Variants in ASXL3 observed in about 807,000 individuals in gnomAD.
ASXL3 encodes the protein ASXL transcriptional regulator 3, also known as putative Polycomb group protein ASXL3.
ASXL3 carries 34 observed loss-of-function variants against 170.6 expected under a neutral mutation model. The ratio of observed to expected loss-of-function variants is 0.20; its 90% CI spans 0.15 to 0.27. ASXL3 has a LOEUF of 0.27. ASXL3 is among the 10% of genes least tolerant of loss of function. The pLI, the probability that ASXL3 is intolerant of heterozygous loss-of-function variation, is 1.00. For synonymous variants in ASXL3, 1,002 were observed against 989.1 expected, an observed-to-expected ratio of 1.01 and a Z score of -0.24; for missense variants, 2,592 against 2,695.3, an observed-to-expected ratio of 0.96 and a Z score of 0.85.
At chr18:33,648,297 A>G (rs1404397459) in intron 4 of ASXL3, among the ~76,000 whole-genome samples, 1 of 152,100 alleles carries the variant, frequency 6.6e-6, no homozygotes, top group African/African-American at 2.4e-5. Context: ...TTTGAAGGAA[A>G]GTACTAGCAG....
chr18:33,711,295 A>G (rs1489922924), intron 8 of ASXL3, among the ~76,000 whole-genome samples: 1 of 152,124 alleles, frequency 6.6e-6, no homozygotes, highest in Non-Finnish European at 1.5e-5. Context: ...ATGCGCTTGT[A>G]TGCAAATTTG....
chr18:33,651,095 G>A (rs1257241319), intron 4 of ASXL3, among the ~76,000 whole-genome samples: 8 of 152,108 alleles, frequency 5.3e-5, no homozygotes, highest in African/African-American at 1.9e-4. Flanking sequence ...GGAACACTTA[G>A]TAGCCAGTCA....
intron 1 of ASXL3, among the ~76,000 whole-genome samples, chr18:33,587,809 G>T (rs553459754): frequency 5.9e-5 from 9 of 151,776 alleles, no homozygotes; most frequent in African/African-American, 1.9e-4. Context: ...AAAACAAAAA[G>T]ATCTCATATT....
chr18:33,653,387 C>A (rs188671108), intron 4 of ASXL3, among the ~76,000 whole-genome samples: 161 of 152,206 alleles, frequency 1.1e-3, no homozygotes, highest in Middle Eastern at 0.01. Context: ...TGTCTTTCAT[C>A]CAACAGCTCT....
chr18:33,638,716 C>T (rs910399953), intron 2 of ASXL3, among the ~76,000 whole-genome samples: 1 of 152,174 alleles, frequency 6.6e-6, no homozygotes, highest in Admixed American at 6.5e-5. Flanking sequence ...TGTAAGATTC[C>T]TCATCTCTGA....
chr18:33,705,634 A>G (rs2066943722), intron 8 of ASXL3, among the ~76,000 whole-genome samples: 1 of 151,918 alleles, frequency 6.6e-6, no homozygotes, highest in Non-Finnish European at 1.5e-5. Context: ...ATGAATGCCA[A>G]ATGTTCCTCA....
intron 6 of ASXL3, 75 bp from the exon 7 acceptor site, chr18:33,671,672 C>T: frequency 7.4e-7 from 1 of 1,356,646 alleles, no homozygotes; most frequent in Non-Finnish European, 1.0e-6. Flanking sequence ...TCTACAGTTC[C>T]TCAAACAATT....
intron 2 of ASXL3, among the ~76,000 whole-genome samples, chr18:33,613,130 A>G (rs1354940055): frequency 6.6e-6 from 1 of 152,036 alleles, no homozygotes; most frequent in Non-Finnish European, 1.5e-5. Context: ...TTGACATAAA[A>G]TTTTACTTGT....
At chr18:33,625,435 A>C (rs900456229) in intron 2 of ASXL3, among the ~76,000 whole-genome samples, 1 of 152,164 alleles carries the variant, frequency 6.6e-6, no homozygotes, top group Non-Finnish European at 1.5e-5. Context: ...AAATTTTAGG[A>C]AGAAAACTAC....
Position 33,644,948 on chromosome 18 carries a change from A to G in ASXL3, c.192A>G (p.Ile64Met). 1 of 1,583,876 alleles carries G rather than the reference A, an allele frequency of 6.3e-7. No individual in the cohort carries two copies. The highest frequency in any genetic ancestry group is 8.6e-7 in the Non-Finnish European group (1 of 1,163,472). ...LNAMLHTNTR[I>M]GDGTFFKIPG... ...CAATGCTTCACACTAACACTCGAATAGGGGATGGAACATTCTTCAAAATCC... is the reference window on the plus strand; with the variant it reads ...CAATGCTTCACACTAACACTCGAATGGGGGATGGAACATTCTTCAAAATCC... Residue 64 changes from isoleucine (I) to methionine (M), a missense_variant, in exon 3 of 12, where the codon ATA becomes ATG. Coordinates refer to ENST00000269197, the MANE Select transcript of ASXL3 (RefSeq NM_030632.3).
chr18:33,605,351 G>C (rs985456324), intron 1 of ASXL3: 5 of 151,946 alleles, frequency 3.3e-5, no homozygotes, highest in African/African-American at 1.2e-4. Flanking sequence ...CTTATCTTTT[G>C]TTCTATTAAT....
chr18:33,678,118 C>A (rs2066458880), intron 7 of ASXL3, among the ~76,000 whole-genome samples: 1 of 150,880 alleles, frequency 6.6e-6, no homozygotes, highest in South Asian at 2.1e-4. Flanking sequence ...ATTTTGGATA[C>A]AGGATCTTGC....
chr18:33,657,410 G>C (rs2066101346), intron 4 of ASXL3, among the ~76,000 whole-genome samples: 1 of 152,064 alleles, frequency 6.6e-6, no homozygotes, highest in African/African-American at 2.4e-5. Context: ...GCTCCTTTCT[G>C]TATATCCTGG....
intron 5 of ASXL3, among the ~76,000 whole-genome samples, chr18:33,662,451 C>T (rs529104174): frequency 1.1e-4 from 16 of 152,118 alleles, no homozygotes; most frequent in Admixed American, 6.6e-4. Context: ...GGGATTGATC[C>T]GAGAATTAGC....
intron 4 of ASXL3, among the ~76,000 whole-genome samples, chr18:33,647,914 A>G (rs2065938947): frequency 6.6e-6 from 1 of 152,060 alleles, no homozygotes; most frequent in Non-Finnish European, 1.5e-5. Flanking sequence ...GGAGCATGAG[A>G]GAACAGGCAT....
intron 8 of ASXL3, among the ~76,000 whole-genome samples, chr18:33,697,677 A>C (rs1007353770): frequency 1.3e-5 from 2 of 151,878 alleles, no homozygotes; most frequent in Non-Finnish European, 2.9e-5. Context: ...TTGTTGCCCA[A>C]CCTCTGGGCA....
At chr18:33,606,681 T>C (rs570681551) in intron 1 of ASXL3, among the ~76,000 whole-genome samples, 1 of 152,132 alleles carries the variant, frequency 6.6e-6, no homozygotes, top group Non-Finnish European at 1.5e-5. Flanking sequence ...CATGAAGCTC[T>C]TGCATAGCAT....
chr18:33,639,479 T>C (rs1450721673), intron 2 of ASXL3, among the ~76,000 whole-genome samples: 3 of 152,164 alleles, frequency 2.0e-5, no homozygotes, highest in African/African-American at 7.2e-5. Context: ...GTGTGGCATG[T>C]TCTTTACTAG....
At position 33,739,478 on chromosome 18, in the gene ASXL3, G is replaced by C. The variant is rs1212866279; in HGVS notation, c.2074G>C (p.Ala692Pro). 4.3e-6 allele frequency: 7 copies of C among 1,613,798 alleles called. No individual in the cohort carries two copies. The highest frequency in any genetic ancestry group is 5.1e-6 in the Non-Finnish European group (6 of 1,179,882). The change falls in exon 11 of 12, where the codon GCA (alanine) becomes CCA (proline). Residue 692 changes from alanine (A) to proline (P), a missense_variant. Transcript: ENST00000269197. ...ATCCACTTCACCTGAAATATCAGAA[G>C]CATCTCTTATGTCCAACTTACCATT... is the stretch of plus-strand genomic sequence containing the variant. ...PISTSPEISE[A>P]SLMSNLPLTS...
Sources: allele counts gnomAD v4.1 joint callset (sites outside exome capture counted in the v4.1 genomes callset), GRCh38; gene constraint gnomAD v4.1.1; transcripts MANE v1.5; gene names NCBI Gene and HGNC (gene_info 2026-07-23, HGNC 2026-07-21).